Variants in DNAJC3 observed in about 807,000 individuals in gnomAD.
The protein encoded by DNAJC3 is DnaJ heat shock protein family (Hsp40) member C3, also known as dnaJ homolog subfamily C member 3.
A neutral mutation model predicts 68.6 loss-of-function variants in DNAJC3; 38 were observed. The observed-to-expected ratio is 0.55, with a 90% CI of 0.43 to 0.73. DNAJC3 has a LOEUF of 0.73. DNAJC3 is among the 30% of genes least tolerant of loss of function. The pLI is 0.00. For synonymous variants in DNAJC3, 203 were observed against 204.0 expected (o/e 1.00, Z 0.04); for missense variants, 526 against 591.9 (o/e 0.89, Z 1.16).
chr13:95,726,270 A>C (rs1264164463), intron 4 of DNAJC3, among the ~76,000 whole-genome samples: 1 of 152,170 alleles, frequency 6.6e-6, no homozygotes, highest in Non-Finnish European at 1.5e-5. Context: ...ACAATGGTTG[A>C]ACTAGTTTAT....
chr13:95,789,945 T>A (rs1050909476), intron 11 of DNAJC3, among the ~76,000 whole-genome samples: 33 of 152,240 alleles, frequency 2.2e-4, no homozygotes, highest in African/African-American at 8.0e-4. Context: ...GAAGTGTCTG[T>A]TCATGTCCTT....
intron 4 of DNAJC3, among the ~76,000 whole-genome samples, chr13:95,739,945 A>C (rs2139657069): frequency 6.6e-6 from 1 of 152,054 alleles, no homozygotes; most frequent in Non-Finnish European, 1.5e-5. Flanking sequence ...TTGTGGTTTT[A>C]TCTACTTTTG....
chr13:95,775,379 G>A (rs1171200169), intron 9 of DNAJC3, among the ~76,000 whole-genome samples: 2 of 152,216 alleles, frequency 1.3e-5, no homozygotes, highest in Non-Finnish European at 2.9e-5. Context: ...AGAAGAGGAA[G>A]AACTGAGTAG....
At chr13:95,755,060 G>C (rs568845211) in intron 4 of DNAJC3, among the ~76,000 whole-genome samples, 2 of 152,236 alleles carry the variant, frequency 1.3e-5, no homozygotes, top group East Asian at 1.9e-4. Flanking sequence ...GGAAGAATGA[G>C]GGAATTGTCA....
intron 1 of DNAJC3, among the ~76,000 whole-genome samples, chr13:95,678,398 T>G (rs187607102): frequency 6.6e-6 from 1 of 152,266 alleles, no homozygotes; most frequent in East Asian, 1.9e-4. Context: ...TCCCCAGTTT[T>G]TAGGTGTCAC....
chr13:95,772,415 G>T lies in DNAJC3; in HGVS notation c.1075+8462G>T, dbSNP rs540480113. Among the ~76,000 whole-genome samples the T allele has an allele frequency of 3.9e-5, 6 of 152,250 alleles. No individual in the cohort carries two copies. In the South Asian group the frequency reaches 1.0e-3, roughly 26 times the overall value. ...CTGCAAGCAGAATTGCTGTCATAGTGTACGGTGCTTGCTCAGTTTTAAAAG... is the reference window on the plus strand; with the variant it reads ...CTGCAAGCAGAATTGCTGTCATAGTTTACGGTGCTTGCTCAGTTTTAAAAG... On this transcript the variant is annotated intron_variant, in intron 9 of 11. Coordinates refer to ENST00000602402, the MANE Select transcript of DNAJC3 (RefSeq NM_006260.5).
chr13:95,774,760 G>C (rs183746784), intron 9 of DNAJC3, among the ~76,000 whole-genome samples: 1 of 152,124 alleles, frequency 6.6e-6, no homozygotes, highest in African/African-American at 2.4e-5. Flanking sequence ...TCTTTTTCTT[G>C]AAGTTTTATA....
intron 4 of DNAJC3, among the ~76,000 whole-genome samples, chr13:95,740,607 A>C (rs1406612593): frequency 2.6e-5 from 4 of 151,970 alleles, no homozygotes; most frequent in Admixed American, 1.3e-4. Context: ...TCTTTGACTC[A>C]GAAAGGGAAC....
chr13:95,732,931 A>G (rs1881763858), intron 4 of DNAJC3, among the ~76,000 whole-genome samples: 1 of 151,930 alleles, frequency 6.6e-6, no homozygotes, highest in South Asian at 2.1e-4. Flanking sequence ...GTTTTCATGT[A>G]TTTGTATAGT....
At chr13:95,719,241 C>T (rs1031231029) in intron 2 of DNAJC3, among the ~76,000 whole-genome samples, 3 of 152,202 alleles carry the variant, frequency 2.0e-5, no homozygotes, top group Admixed American at 6.5e-5. Context: ...TCTGGGTGTA[C>T]CACCCTCTAG....
Position 95,709,326 on chromosome 13 carries a change from A to G in DNAJC3, c.182A>G (p.His61Arg), listed in dbSNP as rs910960172. 3.8e-6 allele frequency: 6 copies of G among 1,587,800 alleles called. No homozygotes were observed. The African/African-American group carries it at 8.1e-5, about 22-fold the overall frequency. Residue 61 changes from histidine (H) to arginine (R), a missense_variant, in exon 2 of 12, where the codon CAT becomes CGT. By Grantham distance (29) the His-to-Arg change is conservative. Transcript: ENST00000602402. ...CTAGCTGATGCTTTATCTCAGTTTCATGCTGCCGTAGGTTTGTATCATGGA... is the reference window on the plus strand; with the variant it reads ...CTAGCTGATGCTTTATCTCAGTTTCGTGCTGCCGTAGGTTTGTATCATGGA... Reference protein sequence around the residue: ...GQLADALSQFHAAVDGDPDNY... With the variant: ...GQLADALSQFRAAVDGDPDNY...
rs1882395428 is a variant in DNAJC3, at chr13:95,749,071, TAGA to T, written c.394-8568_394-8566del. 5.9e-5 allele frequency among the ~76,000 whole-genome samples: 9 copies of T among 152,350 alleles called. No individual in the cohort carries two copies. The South Asian group carries it at 1.9e-3, about 32-fold the overall frequency. ...TAAGACAAATTATTTTATGTACTAC[TAGA>T]AGAATAAATGCTGCCAATTAAAGCC... On this transcript the variant is annotated intron_variant, in intron 4 of 11. Transcript: ENST00000602402.
At position 95,794,550 on chromosome 13, in the gene DNAJC3, T is replaced by TTTTG. The variant is rs1489264457; in HGVS notation, c.*3523_*3526dup. 3 of 152,246 alleles carry TTTTG rather than the reference T, an allele frequency of 2.0e-5. No individual in the cohort carries two copies. The highest frequency in any genetic ancestry group is 7.2e-5 in the African/African-American group (3 of 41,472). 9.4% of individuals were successfully genotyped at this position (152,246 alleles called of 1,614,324 possible). ...CTTTTTCTAAATCAGATCATTCCTT[T>TTTTG]TTTGTTAGTGGCAGTTTATCCTGTA... On this transcript the variant is annotated 3_prime_UTR_variant, in exon 12 of 12. Transcript: ENST00000602402.
intron 1 of DNAJC3, among the ~76,000 whole-genome samples, chr13:95,682,928 A>T (rs139551763): frequency 1.3e-5 from 2 of 152,342 alleles, no homozygotes; most frequent in Non-Finnish European, 2.9e-5. Flanking sequence ...TTGCATACCC[A>T]CTATGTGCGG....
intron 4 of DNAJC3, among the ~76,000 whole-genome samples, chr13:95,748,891 G>A (rs149715427): frequency 0.013 from 1,964 of 152,254 alleles, 49 homozygotes; most frequent in African/African-American, 0.045. Context: ...TGAGAATAAA[G>A]GAGAATGGTA....
rs753459094 is a variant in DNAJC3 at position 95,763,703 on chromosome 13, A to ATC, written c.910_911insCT (p.Tyr304SerfsTer38). The ATC allele has an allele frequency of 6.2e-7, 1 of 1,614,092 alleles. No homozygotes were observed. The highest frequency in any genetic ancestry group is 8.5e-7 in the Non-Finnish European group (1 of 1,179,948). ...TGAAAACAGAGCCAAGCATTGCTGA[A>ATC]TATACAGTTCGTTCAAAGGAGAGGA... is the stretch of plus-strand genomic sequence containing the variant. On this transcript the variant is annotated frameshift_variant, in exon 8 of 12. Transcript: ENST00000602402. LOFTEE classifies it high-confidence loss of function.
Position 95,709,321 on chromosome 13 carries a change from G to C in DNAJC3, c.177G>C (p.Gln59His). ...AAGQLADALS[Q>H]FHAAVDGDPD... ...GACAGCTAGCTGATGCTTTATCTCA[G>C]TTTCATGCTGCCGTAGGTTTGTATC... Residue 59 changes from glutamine to histidine, a missense_variant, in exon 2 of 12, where the codon CAG becomes CAC. Coordinates refer to ENST00000602402, the MANE Select transcript of DNAJC3 (RefSeq NM_006260.5). The C allele has an allele frequency of 1.3e-6, 2 of 1,587,558 alleles. No homozygotes were observed. The highest frequency in any genetic ancestry group is 1.7e-6 in the Non-Finnish European group (2 of 1,168,710).
chr13:95,709,628 C>CTTTT (rs955053415), intron 2 of DNAJC3, among the ~76,000 whole-genome samples: 82 of 112,168 alleles, frequency 7.3e-4, no homozygotes, highest in Non-Finnish European at 8.9e-4. Flanking sequence ...TGGCTTCTGA[C>CTTTT]TTTTTTTTTT....
chr13:95,734,172 C>T (rs1293481223), intron 4 of DNAJC3, among the ~76,000 whole-genome samples: 3 of 152,038 alleles, frequency 2.0e-5, no homozygotes, highest in Non-Finnish European at 4.4e-5. Flanking sequence ...AGATATTGTC[C>T]TTTTGCATCT....
Sources: gnomAD v4.1 joint callset for allele counts (sites outside exome capture counted in the v4.1 genomes callset) on GRCh38, gnomAD v4.1.1 for gene constraint, MANE v1.5 for transcripts, NCBI Gene and HGNC (gene_info 2026-07-23, HGNC 2026-07-21) for gene names.